The following GJB7 variants were observed in gnomAD, a reference collection of about 807,000 sequenced individuals.
The protein encoded by GJB7 is gap junction protein beta 7, also known as gap junction beta-7 protein.
For missense variants in GJB7, 253 were observed against 256.8 expected (o/e 0.99, Z 0.10); for synonymous variants, 87 against 95.2 (o/e 0.91, Z 0.50).
chr6:87,306,849 A>C (rs1414855666), intron 2 of GJB7, among the ~76,000 whole-genome samples: 1 of 152,242 alleles, frequency 6.6e-6, no homozygotes, highest in Non-Finnish European at 1.5e-5. Flanking sequence ...GCAGCCATAA[A>C]AAATGATGAG....
chr6:87,289,946 G>A (rs1776138888), intron 2 of GJB7, among the ~76,000 whole-genome samples: 1 of 152,140 alleles, frequency 6.6e-6, no homozygotes, highest in South Asian at 2.1e-4. Context: ...TGTGTTCGAG[G>A]AGCACTGGAT....
chr6:87,324,857 G>A (rs996012806), intron 1 of GJB7, among the ~76,000 whole-genome samples: 1 of 152,142 alleles, frequency 6.6e-6, no homozygotes, highest in Non-Finnish European at 1.5e-5. Context: ...AAATTACCTT[G>A]GGCAGTATGG....
chr6:87,324,865 T>C (rs1027091905), intron 1 of GJB7, among the ~76,000 whole-genome samples: 1 of 152,238 alleles, frequency 6.6e-6, no homozygotes, highest in East Asian at 1.9e-4. Context: ...TTGGGCAGTA[T>C]GGCCATTTTC....
Position 87,284,182 on chromosome 6 carries a change from T to G in GJB7, c.*59A>C. 7.3e-7 allele frequency: 1 copy of G among 1,361,344 alleles called. No individual in the cohort carries two copies. Among genetic ancestry groups the G allele is most frequent in the South Asian group, 1.3e-5 (1 of 76,864 alleles). The allele number at this position is 1,361,344 out of a possible 1,614,324, so 84.3% of individuals were successfully genotyped here. A position where few individuals can be genotyped will look rare whatever the true frequency, so the allele number is the denominator to read the frequency against. On this transcript the variant is annotated 3_prime_UTR_variant, in exon 3 of 3. Coordinates refer to ENST00000525899, the MANE Select transcript of GJB7 (RefSeq NM_198568.3). The stretch of plus-strand genomic sequence containing the variant: ...TGTGTTTATGGCCAAGTGTGAAGAT[T>G]CTGGAGTAGGGGAGGGGTCCCTCTC...
intron 2 of GJB7, among the ~76,000 whole-genome samples, chr6:87,290,664 T>C (rs1047457411): frequency 1.3e-5 from 2 of 152,212 alleles, no homozygotes; most frequent in South Asian, 4.1e-4. Flanking sequence ...TCTGCACTCA[T>C]ATTTATGAGC....
intron 2 of GJB7, among the ~76,000 whole-genome samples, chr6:87,289,552 C>G (rs919151708): frequency 4.6e-5 from 7 of 152,156 alleles, no homozygotes; most frequent in Non-Finnish European, 8.8e-5. Flanking sequence ...TACAAGAGTT[C>G]CAGTTCCTGG....
At chr6:87,304,212 C>A (rs1399327551) in intron 2 of GJB7, among the ~76,000 whole-genome samples, 2 of 151,996 alleles carry the variant, frequency 1.3e-5, no homozygotes, top group South Asian at 2.1e-4. Context: ...ACAAAAAAAA[C>A]CCTTCAAAAA....
Position 87,308,156 on chromosome 6 carries a change from T to C in GJB7, c.-28+14710A>G, listed in dbSNP as rs930864606. Among the ~76,000 whole-genome samples the C allele has an allele frequency of 1.3e-4, 20 of 150,596 alleles. 1 individual carries two copies. Among genetic ancestry groups the C allele is most frequent in the Admixed American group, 1.3e-3 (19 of 15,134 alleles). On this transcript the variant is annotated intron_variant, in intron 2 of 2. Transcript: ENST00000525899. ...AAACCAAACACCGCATGTTCTCACT[T>C]ATAGGTGGGAATTGAACAATGAGAA...
chr6:87,300,215 G>T (rs1776300885), intron 2 of GJB7: 1 of 206,110 alleles, frequency 4.9e-6, no homozygotes, highest in South Asian at 1.6e-4. Flanking sequence ...GGTGTTGAAG[G>T]ATTTTTGATA....
chr6:87,292,370 CTTAAT>C (rs1237044717), intron 2 of GJB7, among the ~76,000 whole-genome samples: 6 of 152,160 alleles, frequency 3.9e-5, no homozygotes, highest in Non-Finnish European at 8.8e-5. Flanking sequence ...CTTTGATGAG[CTTAAT>C]TTAACTTCAC....
chr6:87,310,701 A>G (rs960529695), intron 2 of GJB7, among the ~76,000 whole-genome samples: 1 of 152,180 alleles, frequency 6.6e-6, no homozygotes, highest in African/African-American at 2.4e-5. Flanking sequence ...AAAAATTGAG[A>G]AGCTCAATCA....
chr6:87,285,481 T>A (rs1776044075), intron 2 of GJB7, among the ~76,000 whole-genome samples: 1 of 152,182 alleles, frequency 6.6e-6, no homozygotes, highest in African/African-American at 2.4e-5. Flanking sequence ...AATTTGATAA[T>A]GAAAAGTGAA....
At chr6:87,303,173 A>G (rs1163090851) in intron 2 of GJB7, among the ~76,000 whole-genome samples, 1 of 152,194 alleles carries the variant, frequency 6.6e-6, no homozygotes, top group Non-Finnish European at 1.5e-5. Context: ...TTCACACATA[A>G]CAATATTAAC....
chr6:87,328,586 A>G (rs560269125), intron 1 of GJB7, among the ~76,000 whole-genome samples: 81 of 152,238 alleles, frequency 5.3e-4, no homozygotes, highest in African/African-American at 1.5e-3. Flanking sequence ...TCAGGGACCC[A>G]CTTGAGGAGG....
intron 2 of GJB7, among the ~76,000 whole-genome samples, chr6:87,315,305 T>A (rs967945723): frequency 5.9e-5 from 9 of 152,058 alleles, no homozygotes; most frequent in African/African-American, 1.9e-4. Flanking sequence ...AGCAATGATA[T>A]CTTTCCTCCT....
At chr6:87,308,888 ACG>A (rs1562214326) in intron 2 of GJB7, among the ~76,000 whole-genome samples, 1 of 152,236 alleles carries the variant, frequency 6.6e-6, no homozygotes, top group Non-Finnish European at 1.5e-5. Flanking sequence ...GACATATATG[ACG>A]TGCTGAAAGA....
intron 2 of GJB7, among the ~76,000 whole-genome samples, chr6:87,321,900 A>G (rs1489096984): frequency 1.3e-5 from 2 of 152,246 alleles, no homozygotes; most frequent in East Asian, 3.9e-4. Flanking sequence ...ATAAACAAAC[A>G]TCTTCTGAGA....
At chr6:87,315,665 G>A (rs1776568695) in intron 2 of GJB7, among the ~76,000 whole-genome samples, 1 of 151,930 alleles carries the variant, frequency 6.6e-6, no homozygotes, top group Admixed American at 6.6e-5. Flanking sequence ...GCATAGTGGG[G>A]TGTGCCTGTA....
intron 2 of GJB7, among the ~76,000 whole-genome samples, chr6:87,305,646 T>C (rs527956477): frequency 1.3e-5 from 2 of 152,180 alleles, no homozygotes; most frequent in Non-Finnish European, 2.9e-5. Context: ...AAGCTGCCAA[T>C]GACATTCTTC....
Sources: allele counts gnomAD v4.1 joint callset (sites outside exome capture counted in the v4.1 genomes callset), GRCh38; gene constraint gnomAD v4.1.1; transcripts MANE v1.5; gene names NCBI Gene and HGNC (gene_info 2026-07-23, HGNC 2026-07-21).